Variants in SLC26A5 observed in about 807,000 individuals in gnomAD.
SLC26A5 encodes the protein prestin.
SLC26A5 carries 51 observed loss-of-function variants against 81.0 expected under a neutral mutation model. The observed-to-expected ratio is 0.63, with a 90% CI of 0.50 to 0.80. The LOEUF is 0.80. Ranked by LOEUF, SLC26A5 falls within the 30% of genes least tolerant of loss-of-function variation. SLC26A5 has a pLI of 0.00. For missense variants in SLC26A5, 771 were observed against 905.8 expected (o/e 0.85, Z 1.91); for synonymous variants, 325 against 332.8 (o/e 0.98, Z 0.25).
At chr7:103,362,315 A>G (rs1820458612) in intron 19 of SLC26A5, 2 of 1,376,594 alleles carry the variant, frequency 1.5e-6, no homozygotes, top group Non-Finnish European at 1.9e-6. Flanking sequence ...AATGGCTTCA[A>G]ATTTCAGAGT....
At chr7:103,398,753 G>A (rs910863488) in intron 8 of SLC26A5, among the ~76,000 whole-genome samples, 1 of 152,142 alleles carries the variant, frequency 6.6e-6, no homozygotes, top group African/African-American at 2.4e-5. Flanking sequence ...AGAAATTAGA[G>A]CTGGCCAGGG....
chr7:103,378,605 A>AC, intron 16 of SLC26A5, 52 bp from the exon 17 acceptor site: 2 of 1,468,520 alleles, frequency 1.4e-6, no homozygotes, highest in South Asian at 2.3e-5. Context: ...TCAGGGACCC[A>AC]CCCCAATGCC....
chr7:103,366,471 A>C (rs571265588), intron 19 of SLC26A5, among the ~76,000 whole-genome samples: 1 of 152,344 alleles, frequency 6.6e-6, no homozygotes, highest in East Asian at 1.9e-4. Context: ...AAGTACTTGC[A>C]TTATACTGAT....
chr7:103,435,478 G>T (rs967420273), intron 2 of SLC26A5, among the ~76,000 whole-genome samples: 7 of 152,190 alleles, frequency 4.6e-5, no homozygotes, highest in African/African-American at 9.6e-5. Flanking sequence ...TGAACGAAAT[G>T]AACATTAACA....
At chr7:103,371,109 T>C (rs1255851379), downstream of SLC26A5, among the ~76,000 whole-genome samples, 3 of 152,206 alleles carry the variant, frequency 2.0e-5, no homozygotes, top group Non-Finnish European at 4.4e-5. Flanking sequence ...TATGAAATAA[T>C]TGAGTAAAAC....
At chr7:103,384,321 T>C (rs1248106744) in intron 14 of SLC26A5, among the ~76,000 whole-genome samples, 3 of 151,748 alleles carry the variant, frequency 2.0e-5, no homozygotes, top group Admixed American at 6.6e-5. Context: ...GATTATAAAA[T>C]GCTGATTGAG....
intron 19 of SLC26A5, among the ~76,000 whole-genome samples, chr7:103,358,667 G>T (rs925698568): frequency 1.3e-5 from 2 of 151,152 alleles, no homozygotes; most frequent in Non-Finnish European, 1.5e-5. Flanking sequence ...TTTCATTTTT[G>T]TGTGTGTGTT....
intron 19 of SLC26A5, among the ~76,000 whole-genome samples, chr7:103,353,219 T>A (rs1211606557): frequency 1.3e-5 from 2 of 152,250 alleles, no homozygotes; most frequent in Non-Finnish European, 2.9e-5. Context: ...TCCTTTTTTT[T>A]AAACCTACCT....
At chr7:103,365,981 A>G in intron 19 of SLC26A5, 1 of 967,280 alleles carries the variant, frequency 1.0e-6, no homozygotes, top group Non-Finnish European at 1.6e-6. Flanking sequence ...GAATACTGTT[A>G]GGAATAAATA....
intron 14 of SLC26A5, among the ~76,000 whole-genome samples, chr7:103,388,077 T>C (rs1480636841): frequency 6.6e-6 from 1 of 152,072 alleles, no homozygotes; most frequent in Non-Finnish European, 1.5e-5. Context: ...TTGTTAGGGA[T>C]GGAGTTTTGC....
chr7:103,380,902 C>T (rs1425165326), intron 14 of SLC26A5, among the ~76,000 whole-genome samples: 5 of 151,578 alleles, frequency 3.3e-5, no homozygotes, highest in East Asian at 1.9e-4. Flanking sequence ...AATGCATACA[C>T]ACCACACATA....
At chr7:103,430,960 T>A (rs888707879) in intron 2 of SLC26A5, among the ~76,000 whole-genome samples, 8 of 152,198 alleles carry the variant, frequency 5.3e-5, no homozygotes, top group African/African-American at 1.9e-4. Context: ...TTGAATCCCT[T>A]CCAGCACTAA....
chr7:103,434,133 T>C (rs2906639), intron 2 of SLC26A5, among the ~76,000 whole-genome samples: 77,334 of 151,774 alleles, frequency 0.51, 22,735 homozygotes, highest in African/African-American at 0.82. Flanking sequence ...TTTGCTGGAG[T>C]GCATCCTTAG....
In SLC26A5 at chr7:103,380,483, CTCATATGCG is replaced by C. The variant is rs1018251193; in HGVS notation, c.1572_1580del (p.Asp524_Tyr526del). 10 of 1,613,104 alleles carry C rather than the reference CTCATATGCG, an allele frequency of 6.2e-6. No homozygotes were observed. Among genetic ancestry groups the C allele is most frequent in the Non-Finnish European group, 8.5e-6 (10 of 1,179,296 alleles). ...AAGTGATAGAAAAAGGTCCTACCTC[CTCATATGCG>C]TCTATATCAATATACACATCAGTTT... On this transcript the variant is annotated inframe_deletion, in exon 15 of 20. Transcript: ENST00000306312.
chr7:103,432,741 T>G (rs1223079977), intron 2 of SLC26A5, among the ~76,000 whole-genome samples: 1 of 152,104 alleles, frequency 6.6e-6, no homozygotes, highest in African/African-American at 2.4e-5. Context: ...TGTAGGTTTT[T>G]AAAATTCTGA....
rs191459658 is a variant in SLC26A5, at chr7:103,391,608, T to C, written c.1233+14A>G. 1.7e-4 allele frequency: 278 copies of C among 1,604,174 alleles called. 6 individuals carry two copies. In the Admixed American group the frequency reaches 4.4e-3, roughly 26 times the overall value. On this transcript the variant is annotated intron_variant, in intron 11 of 19. Coordinates refer to ENST00000306312, the MANE Select transcript of SLC26A5 (RefSeq NM_198999.3). Reference sequence around the variant, plus strand: ...CCCATATCATCAGGTCTTAGAGGCCTGTTATGTACATACCTGTGTCTTCCC... The same window carrying C: ...CCCATATCATCAGGTCTTAGAGGCCCGTTATGTACATACCTGTGTCTTCCC...
At chr7:103,393,547 T>G (rs1490264201) in intron 9 of SLC26A5, among the ~76,000 whole-genome samples, 1 of 142,344 alleles carries the variant, frequency 7.0e-6, no homozygotes, top group African/African-American at 2.6e-5. Context: ...ATGTAAGGAC[T>G]CTGAGTGTGC....
intron 19 of SLC26A5, among the ~76,000 whole-genome samples, chr7:103,357,249 C>T (rs1367671636): frequency 1.3e-5 from 2 of 151,220 alleles, no homozygotes; most frequent in African/African-American, 2.4e-5. Context: ...TCGCTTGAAC[C>T]TGGGAGGCAG....
chr7:103,415,292 G>A lies in SLC26A5; in HGVS notation c.293-2180C>T, dbSNP rs551369880. Among the ~76,000 whole-genome samples the A allele has an allele frequency of 2.6e-5, 4 of 152,360 alleles. No individual in the cohort carries two copies. The South Asian group carries it at 8.3e-4, about 32-fold the overall frequency. ...CAAGCAGCAAAGGCTCTCTGGAAGAGCCAGCTCTTTTCTGCTCACCCCTCT... is the reference window on the plus strand; with the variant it reads ...CAAGCAGCAAAGGCTCTCTGGAAGAACCAGCTCTTTTCTGCTCACCCCTCT... On this transcript the variant is annotated intron_variant, in intron 4 of 19. Transcript: ENST00000306312.
Sources: gnomAD v4.1 joint callset for allele counts (sites outside exome capture counted in the v4.1 genomes callset) on GRCh38, gnomAD v4.1.1 for gene constraint, MANE v1.5 for transcripts, NCBI Gene and HGNC (gene_info 2026-07-23, HGNC 2026-07-21) for gene names.